The following NDUFA10 variants were observed in gnomAD, a reference collection of about 807,000 sequenced individuals.
NDUFA10 encodes NADH:ubiquinone oxidoreductase subunit A10.
Under a neutral mutation model 47.8 loss-of-function variants are expected in NDUFA10, and 40 were observed. That is an observed-to-expected ratio of 0.84 (90% CI 0.65 to 1.09). NDUFA10 has a LOEUF of 1.09. NDUFA10 is among the 50% of genes least tolerant of loss of function. The probability of loss-of-function intolerance (pLI) is 0.00; values close to 1 mark genes in which losing one functional copy is unlikely to be tolerated. For missense variants in NDUFA10, 413 were observed against 451.1 expected (o/e 0.92, Z 0.76); for synonymous variants, 183 against 172.2 (o/e 1.06, Z -0.49).
intron 7 of NDUFA10, among the ~76,000 whole-genome samples, chr2:240,006,365 A>C (rs1249607598): frequency 6.6e-6 from 1 of 152,216 alleles, no homozygotes; most frequent in Non-Finnish European, 1.5e-5. Flanking sequence ...GCGAGAATGC[A>C]GGGCTTCCCT....
chr2:240,011,769 T>G, intron 5 of NDUFA10, 73 bp from the exon 6 acceptor site: 1 of 1,332,610 alleles, frequency 7.5e-7, no homozygotes, highest in South Asian at 1.2e-5. Flanking sequence ...GTATATAAAA[T>G]GCGAAGACAA....
rs900589227 is a variant in NDUFA10, at chr2:239,909,512, C to G, written c.295-14198G>C. On this transcript the variant is annotated intron_variant, in intron 4 of 5. Coordinates refer to the NDUFA10 transcript ENST00000419408. The stretch of plus-strand genomic sequence containing the variant: ...CCTGTAATCCCAGCTACGCAGGAGG[C>G]TGAGGCAGGGGAATTGCTTGAACCC... 3.3e-5 allele frequency among the ~76,000 whole-genome samples: 5 copies of G among 152,232 alleles called. No individual in the cohort carries two copies. The East Asian group carries it at 5.8e-4, about 18-fold the overall frequency.
chr2:239,927,337 A>G (rs963186433), intron 4 of NDUFA10, among the ~76,000 whole-genome samples: 2 of 152,238 alleles, frequency 1.3e-5, no homozygotes, highest in Non-Finnish European at 2.9e-5. Flanking sequence ...AATATCAAAA[A>G]GTGTATGAAG....
chr2:239,900,661 G>C (rs528629644), intron 4 of NDUFA10, among the ~76,000 whole-genome samples: 8 of 152,252 alleles, frequency 5.3e-5, no homozygotes, highest in African/African-American at 1.9e-4. Context: ...CTGATGGGTG[G>C]GTGTAGAACC....
At chr2:239,924,948 T>C (rs1408786622) in intron 4 of NDUFA10, among the ~76,000 whole-genome samples, 1 of 152,104 alleles carries the variant, frequency 6.6e-6, no homozygotes, top group Non-Finnish European at 1.5e-5. Context: ...AAAAATACAA[T>C]GCAGTGTATT....
At chr2:239,999,673 T>TC (rs1696626952) in intron 8 of NDUFA10, among the ~76,000 whole-genome samples, 1 of 152,204 alleles carries the variant, frequency 6.6e-6, no homozygotes, top group Non-Finnish European at 1.5e-5. Context: ...TACGTAACTC[T>TC]CTTCTGTTCT....
At chr2:239,972,745 AAT>A (rs1382098691) in intron 9 of NDUFA10, among the ~76,000 whole-genome samples, 3 of 152,352 alleles carry the variant, frequency 2.0e-5, no homozygotes, top group Non-Finnish European at 4.4e-5. Flanking sequence ...TATTTGTTGC[AAT>A]GAGTATTAAC....
intron 9 of NDUFA10, among the ~76,000 whole-genome samples, chr2:239,968,724 G>C (rs1050741756): frequency 6.6e-6 from 1 of 152,146 alleles, no homozygotes; most frequent in East Asian, 1.9e-4. Context: ...GTGTGTGCAG[G>C]GGGTAAAACT....
At chr2:240,014,618 G>A in intron 5 of NDUFA10, 121 bp downstream of exon 5, 2 of 1,459,854 alleles carry the variant, frequency 1.4e-6, no homozygotes, top group Admixed American at 3.4e-5. Flanking sequence ...GGAACAGGGT[G>A]TGTGTCACCC....
intron 8 of NDUFA10, among the ~76,000 whole-genome samples, chr2:239,997,408 A>C (rs1396329766): frequency 6.6e-6 from 1 of 152,256 alleles, no homozygotes; most frequent in African/African-American, 2.4e-5. Flanking sequence ...TATAAAATGC[A>C]AAGTAAAACA....
intron 9 of NDUFA10, among the ~76,000 whole-genome samples, chr2:239,982,767 T>A (rs759832305): frequency 3.9e-5 from 6 of 152,222 alleles, no homozygotes; most frequent in South Asian, 4.1e-4. Context: ...ACACCATTAG[T>A]ATTTGTTTTC....
intron 4 of NDUFA10, among the ~76,000 whole-genome samples, chr2:239,935,773 C>T (rs926948725): frequency 1.3e-4 from 20 of 152,180 alleles, no homozygotes; most frequent in African/African-American, 3.4e-4. Flanking sequence ...CTCTTGGCTC[C>T]CATTCTCTTT....
downstream of NDUFA10, among the ~76,000 whole-genome samples, chr2:239,953,711 C>T (rs56331950): frequency 0.12 from 18,098 of 152,266 alleles, 1,261 homozygotes; most frequent in South Asian, 0.15. Flanking sequence ...ACGTAAGTAG[C>T]GGCTTGCCCC....
At chr2:239,977,229 G>A (rs948967982) in intron 9 of NDUFA10, among the ~76,000 whole-genome samples, 2 of 152,192 alleles carry the variant, frequency 1.3e-5, no homozygotes, top group South Asian at 2.1e-4. Context: ...CCGTCTTCTC[G>A]TGTTGTTCAA....
intron 9 of NDUFA10, among the ~76,000 whole-genome samples, chr2:239,989,538 C>A (rs747826349): frequency 6.6e-6 from 1 of 152,272 alleles, no homozygotes; most frequent in African/African-American, 2.4e-5. Flanking sequence ...GCGAAACTTA[C>A]ACACGCCTCG....
chr2:240,017,598 T>C (rs1387758451), intron 4 of NDUFA10, among the ~76,000 whole-genome samples: 2 of 152,126 alleles, frequency 1.3e-5, no homozygotes. Flanking sequence ...TTCATATTCA[T>C]ATCCCTAGCA....
chr2:239,899,367 ATGGAGGGGTG>A (rs1179260534), intron 4 of NDUFA10, among the ~76,000 whole-genome samples: 11 of 69,820 alleles, frequency 1.6e-4, no homozygotes, highest in African/African-American at 1.6e-4. Flanking sequence ...GAGGAGTGTG[ATGGAGGGGTG>A]TGGAGGGGTG....
intron 9 of NDUFA10, among the ~76,000 whole-genome samples, chr2:239,963,975 C>T (rs2106397898): frequency 6.6e-6 from 1 of 152,300 alleles, no homozygotes; most frequent in South Asian, 2.1e-4. Flanking sequence ...TGGGAAAAGA[C>T]CACACTAGCG....
chr2:239,915,011 GAC>G (rs202223391), intron 4 of NDUFA10, among the ~76,000 whole-genome samples: 13,465 of 134,118 alleles, frequency 0.1, 1,088 homozygotes, highest in Admixed American at 0.14. Context: ...CACACAGAGA[GAC>G]ACACAGAGAT....
Sources: gnomAD v4.1 joint callset for allele counts (sites outside exome capture counted in the v4.1 genomes callset) on GRCh38, gnomAD v4.1.1 for gene constraint, MANE v1.5 for transcripts, NCBI Gene and HGNC (gene_info 2026-07-23, HGNC 2026-07-21) for gene names.